The following NLRC5 variants were observed in gnomAD, a reference collection of about 807,000 sequenced individuals.
The protein encoded by NLRC5 is NLR family CARD domain containing 5.
In NLRC5, 114 loss-of-function variants were observed where a neutral mutation model predicts 206.9. The ratio of observed to expected loss-of-function variants is 0.55; its 90% CI spans 0.47 to 0.64. NLRC5 has a LOEUF of 0.64. Ranked by LOEUF, NLRC5 falls within the 30% of genes least tolerant of loss-of-function variation. The pLI is 0.00. For missense variants in NLRC5, 2,008 were observed against 2,305.5 expected (o/e 0.87, Z 2.64); for synonymous variants, 952 against 962.8 (o/e 0.99, Z 0.21).
intron 32 of NLRC5, chr16:57,061,903 G>A (rs1336541025): frequency 6.5e-7 from 1 of 1,531,992 alleles, no homozygotes; most frequent in Admixed American, 2.0e-5. Flanking sequence ...CCCCACACTG[G>A]AGGCCTGTGC....
chr16:57,020,081 C>T lies in NLRC5; in HGVS notation c.-12-620C>T, dbSNP rs2060492685. Reference sequence around the variant, plus strand: ...AGACATCAAGACTCCATGGAGAGGCCACTTCCCTGCCTATTTTATGTCGCT... The same window carrying T: ...AGACATCAAGACTCCATGGAGAGGCTACTTCCCTGCCTATTTTATGTCGCT... On this transcript the variant is annotated intron_variant, in intron 2 of 48. Coordinates refer to ENST00000688547, the MANE Select transcript of NLRC5 (RefSeq NM_001384950.1). 2.0e-5 allele frequency among the ~76,000 whole-genome samples: 3 copies of T among 151,944 alleles called. 1 individual carries two copies. The South Asian group carries it at 6.2e-4, about 32-fold the overall frequency.
intron 1 of NLRC5, among the ~76,000 whole-genome samples, chr16:57,014,822 G>A (rs1363126783): frequency 6.6e-6 from 1 of 152,232 alleles, no homozygotes; most frequent in Non-Finnish European, 1.5e-5. Context: ...CCTGGTGTCT[G>A]GAGAGGATGC....
chr16:57,031,734 G>A (rs564023177), intron 11 of NLRC5, among the ~76,000 whole-genome samples: 1 of 148,154 alleles, frequency 6.7e-6, no homozygotes, highest in South Asian at 2.2e-4. Context: ...TAAAGATACT[G>A]TTAGACTGGC....
intron 1 of NLRC5, among the ~76,000 whole-genome samples, chr16:56,994,630 G>A (rs1295893006): frequency 1.3e-5 from 2 of 152,204 alleles, no homozygotes; most frequent in Non-Finnish European, 2.9e-5. Context: ...TAGCCTTCTT[G>A]TAGGGATGTT....
chr16:57,035,405 A>C (rs1427494238), intron 13 of NLRC5, among the ~76,000 whole-genome samples: 1 of 151,900 alleles, frequency 6.6e-6, no homozygotes, highest in Non-Finnish European at 1.5e-5. Flanking sequence ...GATAAAACCC[A>C]CATTCTAAAC....
At chr16:56,992,389 CA>C (rs2057005615) in intron 1 of NLRC5, 2 of 152,182 alleles carry the variant, frequency 1.3e-5, no homozygotes, top group South Asian at 4.1e-4. Flanking sequence ...CAAGTCCAAA[CA>C]CTGTAAAAAC....
Position 57,025,571 on chromosome 16 carries a change from T to G in NLRC5, c.628T>G (p.Ser210Ala). The G allele has an allele frequency of 6.2e-7, 1 of 1,614,058 alleles. No homozygotes were observed. Among genetic ancestry groups the G allele is most frequent in the Non-Finnish European group, 8.5e-7 (1 of 1,179,984 alleles). Residue 210 changes from serine (S) to alanine (A), a missense_variant, in exon 6 of 49, where the codon TCG (serine) becomes GCG (alanine). Transcript: ENST00000688547. ...KVEDGADVSI[S>A]DLFNTRVNKG... ...GGAAGATGGTGCTGACGTGAGCATC[T>G]CGGACCTCTTCAACACCAGGGTTAA... is the stretch of plus-strand genomic sequence containing the variant.
intron 20 of NLRC5, 119 bp downstream of exon 20, chr16:57,043,723 G>A: frequency 1.3e-6 from 1 of 792,464 alleles, no homozygotes; most frequent in Non-Finnish European, 2.3e-6. Context: ...AGCACCTTGG[G>A]CAGTACCAGA....
chr16:57,069,282 C>T lies in NLRC5; in HGVS notation c.4500-554C>T, dbSNP rs1363795201. On this transcript the variant is annotated intron_variant, in intron 36 of 48. Coordinates refer to ENST00000688547, the MANE Select transcript of NLRC5 (RefSeq NM_001384950.1). The stretch of plus-strand genomic sequence containing the variant: ...CTTTCCTAACTTTACATTTTATTTC[C>T]ATCTAACTGATTACACCAAGAAGAA... 3.3e-5 allele frequency among the ~76,000 whole-genome samples: 5 copies of T among 152,170 alleles called. No homozygotes were observed. In the East Asian group the frequency reaches 9.7e-4, roughly 29 times the overall value.
chr16:57,028,152 T>C lies in NLRC5; in HGVS notation c.2156T>C (p.Leu719Pro). The C allele has an allele frequency of 6.2e-7, 1 of 1,612,940 alleles. No individual in the cohort carries two copies. The highest frequency in any genetic ancestry group is 8.5e-7 in the Non-Finnish European group (1 of 1,179,236). ...SLPTMGRLQM[L>P]GLAGSKITAR... The stretch of plus-strand genomic sequence containing the variant: ...CCGACAATGGGGAGGCTGCAGATGC[T>C]GGGGTGAGCCAGGCCTTGGAGCTGA... Residue 719 changes from leucine to proline, a missense_variant, in exon 7 of 49, where the codon CTG becomes CCG. Coordinates refer to ENST00000688547, the MANE Select transcript of NLRC5 (RefSeq NM_001384950.1).
At chr16:57,034,323 T>C (rs1164609396) in intron 13 of NLRC5, 72 bp downstream of exon 13, 13 of 1,185,868 alleles carry the variant, frequency 1.1e-5, no homozygotes, top group South Asian at 2.6e-5. Flanking sequence ...GGCCTCGCCT[T>C]TGGGTGGGTG....
At position 57,061,606 on chromosome 16, in the gene NLRC5, C is replaced by G. The variant is rs2066495281; in HGVS notation, c.4071-12C>G. On this transcript the variant is annotated splice_polypyrimidine_tract_variant and intron_variant, in intron 31 of 48. Transcript: ENST00000688547. The stretch of plus-strand genomic sequence containing the variant: ...TGCCAGAGCCACCTCAGTGACTGAC[C>G]TCTGTCTCCAGGCTGACCCAGTGCT... The G allele has an allele frequency of 5.0e-6, 8 of 1,609,762 alleles. No homozygotes were observed. The South Asian group carries it at 8.8e-5, about 18-fold the overall frequency.
At chr16:57,011,407 C>T (rs538113886) in intron 1 of NLRC5, among the ~76,000 whole-genome samples, 62 of 130,498 alleles carry the variant, frequency 4.8e-4, no homozygotes, top group South Asian at 5.9e-4. Context: ...AGGGAGACTC[C>T]GTCTCAAAAA....
chr16:57,075,162 T>G (rs1170035087), intron 39 of NLRC5, among the ~76,000 whole-genome samples: 1 of 151,930 alleles, frequency 6.6e-6, no homozygotes, highest in Non-Finnish European at 1.5e-5. Flanking sequence ...TGCCTCACCC[T>G]CCTAAGCAGC....
Position 57,046,636 on chromosome 16 carries a change from C to T in NLRC5, c.3333C>T (p.Ser1111=). The T allele has an allele frequency of 6.2e-7, 1 of 1,613,726 alleles. No homozygotes were observed. Among genetic ancestry groups the T allele is most frequent in the Admixed American group, 1.7e-5 (1 of 60,002 alleles). ...TCCGTCAGCGCTGCATCCCCAGGAG[C>T]CTCTGGTACTGTCCCAGCCCTTCTT... The part of the protein sequence containing the change: ...LGFRQRCIPR[S]LCLSECPLEP... The change falls in exon 22 of 49, where the codon AGC becomes AGT. Residue 1111 remains serine, a synonymous_variant. Coordinates refer to ENST00000688547, the MANE Select transcript of NLRC5 (RefSeq NM_001384950.1).
At chr16:57,063,005 TTGTC>T (rs2066698195) in intron 32 of NLRC5, among the ~76,000 whole-genome samples, 1 of 152,172 alleles carries the variant, frequency 6.6e-6, no homozygotes, top group Non-Finnish European at 1.5e-5. Context: ...TCATTTGTAT[TTGTC>T]TGTATTTGTC....
Position 57,082,573 on chromosome 16 carries a change from AATG to A in NLRC5, c.*48_*50del. 7.1e-7 allele frequency: 1 copy of A among 1,408,870 alleles called. No individual in the cohort carries two copies. The highest frequency in any genetic ancestry group is 1.2e-5 in the South Asian group (1 of 84,568). 87.3% of individuals were successfully genotyped at this position (1,408,870 alleles called of 1,614,324 possible). A position where few individuals can be genotyped will look rare whatever the true frequency, so the allele number is the denominator to read the frequency against. On this transcript the variant is annotated 3_prime_UTR_variant, in exon 49 of 49. Coordinates refer to ENST00000688547, the MANE Select transcript of NLRC5 (RefSeq NM_001384950.1). The stretch of plus-strand genomic sequence containing the variant: ...GGAATCCAGCCAAGTGATGCACCCA[AATG>A]ATCCACCTTTCGCCCACTGGGATAA...
intron 27 of NLRC5, among the ~76,000 whole-genome samples, chr16:57,056,802 G>A (rs561596910): frequency 6.6e-6 from 1 of 152,050 alleles, no homozygotes; most frequent in Admixed American, 6.5e-5. Flanking sequence ...GAGATTACAG[G>A]CATGAGCCAC....
chr16:57,006,888 CATT>C lies in NLRC5; in HGVS notation c.-127-10158_-127-10156del, dbSNP rs9302685. Among the ~76,000 whole-genome samples the C allele has an allele frequency of 1.6e-3, 230 of 144,050 alleles. 4 individuals carry two copies. In the South Asian group the frequency reaches 0.04, roughly 25 times the overall value. The allele number at this position is 144,050 out of a possible 152,430, so 94.5% of individuals were successfully genotyped here. A position where few individuals can be genotyped will look rare whatever the true frequency, so the allele number is the denominator to read the frequency against. ...AGACAGGGTCACAAAACCGTTAACA[CATT>C]ATTATTATTATTATTATTATTATTA... On this transcript the variant is annotated intron_variant, in intron 1 of 48. Transcript: ENST00000688547.
Sources: gnomAD v4.1 joint callset for allele counts (sites outside exome capture counted in the v4.1 genomes callset) on GRCh38, gnomAD v4.1.1 for gene constraint, MANE v1.5 for transcripts, NCBI Gene and HGNC (gene_info 2026-07-23, HGNC 2026-07-21) for gene names.